SLC27A1: variants seen among roughly 807,000 people sequenced by gnomAD.
SLC27A1 encodes the protein long-chain fatty acid transport protein 1.
In SLC27A1, 61 loss-of-function variants were observed where a neutral mutation model predicts 62.2. The observed-to-expected ratio is 0.98, with a 90% CI of 0.80 to 1.21. SLC27A1 has a LOEUF of 1.21. Among genes scored for constraint, SLC27A1 ranks in the 50% most tolerant of loss-of-function variants. The probability of loss-of-function intolerance (pLI) is 0.00; values close to 1 mark genes in which losing one functional copy is unlikely to be tolerated. For missense variants in SLC27A1, 903 were observed against 932.1 expected, an observed-to-expected ratio of 0.97 and a Z score of 0.41; for synonymous variants, 435 against 408.6, an observed-to-expected ratio of 1.06 and a Z score of -0.78.
chr19:17,480,335 T>A (rs566599594), intron 1 of SLC27A1, among the ~76,000 whole-genome samples: 18 of 151,858 alleles, frequency 1.2e-4, no homozygotes, highest in East Asian at 7.7e-4. Flanking sequence ...GCCTATTTTT[T>A]AAAAATTTTT....
At chr19:17,471,360 G>C (rs951657681) in intron 1 of SLC27A1, among the ~76,000 whole-genome samples, 1 of 152,048 alleles carries the variant, frequency 6.6e-6, no homozygotes, top group Non-Finnish European at 1.5e-5. Context: ...TTCGGAGTGT[G>C]TCGGGAGGCT....
rs753004060 is a variant in SLC27A1 at position 17,470,640 on chromosome 19, G to T, written c.100G>T (p.Val34Leu). The T allele has an allele frequency of 1.3e-6, 2 of 1,580,834 alleles. No individual in the cohort carries two copies. The highest frequency in any genetic ancestry group is 1.7e-6 in the Non-Finnish European group (2 of 1,170,266). The change falls in exon 1 of 12, where the codon GTG becomes TTG. Residue 34 changes from valine (V) to leucine (L), a missense_variant. Val to Leu is a conservative substitution (Grantham distance 32, BLOSUM62 1). Transcript: ENST00000252595. ...CTGGAGCGCGGCAGCGGCGCTCGGC[G>T]TGTACGTGGGCAGCGGCGGCTGGCG... ...WTWSAAAALG[V>L]YVGSGGWRFL...
At chr19:17,497,568 G>T (rs569541205) in intron 7 of SLC27A1, 104 bp downstream of exon 7, 1 of 1,085,462 alleles carries the variant, frequency 9.2e-7, no homozygotes, top group Non-Finnish European at 1.4e-6. Context: ...GGACTGGCGC[G>T]GAAGGCTCCG....
At chr19:17,503,976 A>T (rs1041793317) in intron 11 of SLC27A1, among the ~76,000 whole-genome samples, 1 of 148,626 alleles carries the variant, frequency 6.7e-6, no homozygotes, top group African/African-American at 2.5e-5. Context: ...GCAGAGACAG[A>T]GTCTCACTAT....
chr19:17,472,553 G>T (rs935863158), intron 1 of SLC27A1, among the ~76,000 whole-genome samples: 6 of 152,032 alleles, frequency 3.9e-5, no homozygotes, highest in Non-Finnish European at 8.8e-5. Context: ...TTGAGGCAGA[G>T]TCTCACTCCG....
rs2075234257 is a variant in SLC27A1, at chr19:17,486,704, C to T, written c.309C>T (p.Cys103=). 1 of 1,611,978 alleles carries T rather than the reference C, an allele frequency of 6.2e-7. No homozygotes were observed. Among genetic ancestry groups the T allele is most frequent in the Non-Finnish European group, 8.5e-7 (1 of 1,179,626 alleles). ...LALVDAGTGE[C]WTFAQLDAYS... ...TGGTGGATGCCGGGACCGGCGAGTGCTGGACCTTTGCGCAGCTGGACGCCT... is the reference window on the plus strand; with the variant it reads ...TGGTGGATGCCGGGACCGGCGAGTGTTGGACCTTTGCGCAGCTGGACGCCT... The change falls in exon 2 of 12, where the codon TGC becomes TGT. Residue 103 remains cysteine, a synonymous_variant. Transcript: ENST00000252595. The surrounding 1 kb of genome is among the most constrained non-coding windows in gnomAD (Gnocchi z 6.6).
chr19:17,491,377 G>T (rs957845392), intron 6 of SLC27A1, among the ~76,000 whole-genome samples: 2 of 151,500 alleles, frequency 1.3e-5, no homozygotes, highest in Non-Finnish European at 2.9e-5. Flanking sequence ...TGATTTGCCT[G>T]TTCTGGACAT....
chr19:17,474,875 C>T (rs371690125), intron 1 of SLC27A1, among the ~76,000 whole-genome samples: 52 of 151,778 alleles, frequency 3.4e-4, no homozygotes, highest in African/African-American at 1.2e-3. Context: ...GGTGATCTGC[C>T]CGCCTGGGCC....
chr19:17,501,434 C>A lies in SLC27A1; in HGVS notation c.1783+15C>A, dbSNP rs746012452. The A allele has an allele frequency of 8.7e-6, 14 of 1,608,000 alleles. No individual in the cohort carries two copies. Among genetic ancestry groups the A allele is most frequent in the East Asian group, 4.5e-5 (2 of 44,760 alleles). ...GGACACCACAGGTGCGAGTCTCCCCCACTCCAATCTCTCTCTTCATCCATC... is the reference window on the plus strand; with the variant it reads ...GGACACCACAGGTGCGAGTCTCCCCAACTCCAATCTCTCTCTTCATCCATC... On this transcript the variant is annotated intron_variant, in intron 11 of 11. Transcript: ENST00000252595.
In SLC27A1 at chr19:17,488,838, C is replaced by T; in HGVS notation, c.795-10C>T. ...AGCCTCTGCCCTCCCGGCTCCCCCT[C>T]CCCCTGCAGGTACTACCGCATGGCA... On this transcript the variant is annotated splice_polypyrimidine_tract_variant and intron_variant, in intron 4 of 11. Transcript: ENST00000252595. 4 of 1,612,606 alleles carry T rather than the reference C, an allele frequency of 2.5e-6. No individual in the cohort carries two copies. Among genetic ancestry groups the T allele is most frequent in the Non-Finnish European group, 1.7e-6 (2 of 1,179,562 alleles).
intron 6 of SLC27A1, chr19:17,490,140 A>C (rs1195642247): frequency 6.6e-6 from 1 of 152,014 alleles, no homozygotes. Flanking sequence ...GAAATGCAAA[A>C]GTATATTTTT....
chr19:17,482,246 C>T (rs948508118), intron 1 of SLC27A1, among the ~76,000 whole-genome samples: 4 of 152,108 alleles, frequency 2.6e-5, no homozygotes, highest in East Asian at 1.9e-4. Flanking sequence ...CCGCCGGGCG[C>T]AGTGGCTAAC....
intron 7 of SLC27A1, 162 bp downstream of exon 7, chr19:17,497,626 G>A (rs1180248714): frequency 2.9e-6 from 2 of 679,728 alleles, no homozygotes; most frequent in Non-Finnish European, 5.2e-6. Context: ...TGGGACTCCC[G>A]GTGCACCACC....
At chr19:17,480,959 C>G (rs6512196) in intron 1 of SLC27A1, among the ~76,000 whole-genome samples, 49,744 of 149,478 alleles carry the variant, frequency 0.33, 8,639 homozygotes, top group South Asian at 0.38. Context: ...GAGTTTTGCT[C>G]TTGTTGCCCA....
intron 1 of SLC27A1, among the ~76,000 whole-genome samples, chr19:17,480,756 G>A (rs561867815): frequency 6.6e-6 from 1 of 151,834 alleles, no homozygotes; most frequent in Admixed American, 6.6e-5. Context: ...ATGATGCTGA[G>A]GTTTGGGCTT....
At chr19:17,503,925 A>C (rs563979541) in intron 11 of SLC27A1, among the ~76,000 whole-genome samples, 1,998 of 107,710 alleles carry the variant, frequency 0.019, 52 homozygotes, top group African/African-American at 0.069. Context: ...AAGCAAGACT[A>C]TGTCTCAAAA....
chr19:17,480,329 AT>A (rs2075163588), intron 1 of SLC27A1, among the ~76,000 whole-genome samples: 1 of 151,444 alleles, frequency 6.6e-6, no homozygotes, highest in African/African-American at 2.4e-5. Flanking sequence ...CACCTGGCCT[AT>A]TTTTTAAAAA....
rs767817829 is a variant in SLC27A1 at position 17,497,338 on chromosome 19, G to A, written c.1080G>A (p.Leu360=). The A allele has an allele frequency of 1.3e-5, 21 of 1,603,310 alleles. 1 individual carries two copies. The Middle Eastern group carries it at 5.0e-4, about 38-fold the overall frequency. ...CGGAGAGGCGACACCGCGTGCGCCT[G>A]GCGGTGGGGAACGGGCTGCGTCCTG... The part of the protein sequence containing the change: ...REAERRHRVR[L]AVGNGLRPAI... Residue 360 remains leucine, a synonymous_variant, in exon 7 of 12, where the codon CTG becomes CTA. Coordinates refer to ENST00000252595, the MANE Select transcript of SLC27A1 (RefSeq NM_198580.3).
At chr19:17,477,317 G>T (rs1445688428) in intron 1 of SLC27A1, among the ~76,000 whole-genome samples, 3 of 133,922 alleles carry the variant, frequency 2.2e-5, no homozygotes, top group African/African-American at 8.6e-5. Context: ...TGTGATCTCA[G>T]CTCACTGCAA....
Sources: allele counts gnomAD v4.1 joint callset (sites outside exome capture counted in the v4.1 genomes callset), GRCh38; gene constraint gnomAD v4.1.1; non-coding constraint Gnocchi (gnomAD v3.1); transcripts MANE v1.5; gene names NCBI Gene and HGNC (gene_info 2026-07-23, HGNC 2026-07-21).